PDE3A: variants seen among roughly 807,000 people sequenced by gnomAD.
PDE3A encodes the protein cGMP-inhibited 3',5'-cyclic phosphodiesterase 3A.
PDE3A carries 43 observed loss-of-function variants against 98.3 expected under a neutral mutation model. That is an observed-to-expected ratio of 0.44 (90% CI 0.34 to 0.56). PDE3A has a LOEUF of 0.56. Ranked by LOEUF, PDE3A falls within the 20% of genes least tolerant of loss-of-function variation. The probability of loss-of-function intolerance (pLI) is 0.01; values close to 1 mark genes in which losing one functional copy is unlikely to be tolerated. For synonymous variants in PDE3A, 663 were observed against 567.9 expected, an observed-to-expected ratio of 1.17 and a Z score of -2.38; for missense variants, 1,427 against 1,440.7, an observed-to-expected ratio of 0.99 and a Z score of 0.15.
intron 5 of PDE3A, among the ~76,000 whole-genome samples, chr12:20,624,208 T>G (rs1433394334): frequency 6.6e-6 from 1 of 152,154 alleles, no homozygotes; most frequent in African/African-American, 2.4e-5. Context: ...TTGTCATAAT[T>G]TAAAACTAGG....
intron 1 of PDE3A, among the ~76,000 whole-genome samples, chr12:20,435,197 G>A (rs548754543): frequency 1.3e-5 from 2 of 152,114 alleles, no homozygotes; most frequent in Non-Finnish European, 2.9e-5. Flanking sequence ...TGCATTCCTT[G>A]TTACTGTAGA....
Position 20,369,728 on chromosome 12 carries a change from G to A in PDE3A, c.444G>A (p.Leu148=). Residue 148 remains leucine, a synonymous_variant, in exon 1 of 16, where the codon TTG becomes TTA. Transcript: ENST00000359062. The stretch of plus-strand genomic sequence containing the variant: ...TGTGTGCCTTCTTCTGGATGGGCTT[G>A]TACCTCCTGCGCGCCGGGGTGCGCC... ...SLLCAFFWMG[L]YLLRAGVRLP... is the part of the protein sequence containing the mutation. 1 of 1,612,298 alleles carries A rather than the reference G, an allele frequency of 6.2e-7. No individual in the cohort carries two copies. The highest frequency in any genetic ancestry group is 8.5e-7 in the Non-Finnish European group (1 of 1,179,750).
chr12:20,452,220 GTC>G (rs1945077846), intron 1 of PDE3A, among the ~76,000 whole-genome samples: 1 of 152,210 alleles, frequency 6.6e-6, no homozygotes, highest in Non-Finnish European at 1.5e-5. Flanking sequence ...TGCAAGATTA[GTC>G]TCTGTCTTGT....
In PDE3A at chr12:20,684,266, A is replaced by G. The variant is rs1205763121; in HGVS notation, c.*3995A>G. 2 of 152,126 alleles carry G rather than the reference A, an allele frequency of 1.3e-5. No individual in the cohort carries two copies. The highest frequency in any genetic ancestry group is 4.8e-5 in the African/African-American group (2 of 41,444). The allele number at this position is 152,126 out of a possible 1,614,324, so 9.4% of individuals were successfully genotyped here. A position where few individuals can be genotyped will look rare whatever the true frequency, so the allele number is the denominator to read the frequency against. ...CATTTATAGTACTTCTAAAATAATAATGGAAACCTCAATAAGGGTCTTGTC... is the reference window on the plus strand; with the variant it reads ...CATTTATAGTACTTCTAAAATAATAGTGGAAACCTCAATAAGGGTCTTGTC... On this transcript the variant is annotated 3_prime_UTR_variant, in exon 16 of 16. Transcript: ENST00000359062.
chr12:20,533,761 C>T (rs1297395682), intron 1 of PDE3A, among the ~76,000 whole-genome samples: 1 of 151,064 alleles, frequency 6.6e-6, no homozygotes, highest in East Asian at 1.9e-4. Context: ...GCTGGGATTA[C>T]AGGCATGAGC....
intron 13 of PDE3A, among the ~76,000 whole-genome samples, chr12:20,649,177 C>T (rs890337897): frequency 1.1e-4 from 17 of 151,876 alleles, no homozygotes; most frequent in African/African-American, 3.1e-4. Context: ...ATGATCCACC[C>T]GCCTCGGCCT....
chr12:20,672,983 G>T (rs914187590), intron 15 of PDE3A, among the ~76,000 whole-genome samples: 7 of 151,012 alleles, frequency 4.6e-5, no homozygotes, highest in African/African-American at 1.5e-4. Flanking sequence ...AATCTACAAT[G>T]AACTCATACA....
intron 15 of PDE3A, among the ~76,000 whole-genome samples, chr12:20,671,602 A>G (rs1374761782): frequency 1.3e-5 from 2 of 151,634 alleles, no homozygotes; most frequent in South Asian, 4.2e-4. Flanking sequence ...CAAAAACCAA[A>G]TGATTATCTC....
At chr12:20,480,784 C>T (rs893299107) in intron 1 of PDE3A, among the ~76,000 whole-genome samples, 1 of 152,176 alleles carries the variant, frequency 6.6e-6, no homozygotes, top group Non-Finnish European at 1.5e-5. Flanking sequence ...TTTCCACTAT[C>T]TTTTCACAAA....
At chr12:20,485,719 C>A (rs1021285111) in intron 1 of PDE3A, among the ~76,000 whole-genome samples, 1 of 152,168 alleles carries the variant, frequency 6.6e-6, no homozygotes, top group African/African-American at 2.4e-5. Context: ...AACCTTCTGA[C>A]ATTTACTTAC....
At chr12:20,408,376 A>G (rs551620717) in intron 1 of PDE3A, among the ~76,000 whole-genome samples, 3 of 152,298 alleles carry the variant, frequency 2.0e-5, no homozygotes, top group Middle Eastern at 3.4e-3. Flanking sequence ...ACCTTAAATA[A>G]AAGCTTGTAG....
chr12:20,577,680 T>C (rs1423319647), intron 2 of PDE3A, among the ~76,000 whole-genome samples: 2 of 152,172 alleles, frequency 1.3e-5, no homozygotes, highest in Admixed American at 6.5e-5. Context: ...CCAGTTTTGC[T>C]AATTTTAAAA....
chr12:20,603,837 A>T (rs1943651044), intron 2 of PDE3A, among the ~76,000 whole-genome samples: 1 of 152,200 alleles, frequency 6.6e-6, no homozygotes, highest in Non-Finnish European at 1.5e-5. Flanking sequence ...TACAGTCGAT[A>T]TTACTATTAA....
chr12:20,425,271 C>T (rs192076023), intron 1 of PDE3A, among the ~76,000 whole-genome samples: 6 of 152,016 alleles, frequency 3.9e-5, no homozygotes, highest in East Asian at 3.9e-4. Context: ...TTTTTTCCAC[C>T]GGCAGATGGG....
intron 1 of PDE3A, among the ~76,000 whole-genome samples, chr12:20,492,632 A>G (rs1945848896): frequency 6.6e-6 from 1 of 152,162 alleles, no homozygotes; most frequent in South Asian, 2.1e-4. Flanking sequence ...GAAAGGGGCT[A>G]CTGAACAGGA....
At chr12:20,595,942 TG>T (rs1487001888) in intron 2 of PDE3A, among the ~76,000 whole-genome samples, 2 of 152,224 alleles carry the variant, frequency 1.3e-5, no homozygotes, top group Non-Finnish European at 2.9e-5. Flanking sequence ...TTAATATCAA[TG>T]TTTTTCCTAC....
intron 10 of PDE3A, among the ~76,000 whole-genome samples, chr12:20,645,718 G>A (rs1944761292): frequency 6.6e-6 from 1 of 152,018 alleles, no homozygotes; most frequent in Non-Finnish European, 1.5e-5. Context: ...CTGCACATGT[G>A]GAGTATGACC....
chr12:20,485,635 G>T (rs1945714297), intron 1 of PDE3A, among the ~76,000 whole-genome samples: 1 of 152,182 alleles, frequency 6.6e-6, no homozygotes, highest in South Asian at 2.1e-4. Flanking sequence ...TGAACTCTCT[G>T]CTGATATTGA....
intron 2 of PDE3A, among the ~76,000 whole-genome samples, chr12:20,604,871 C>T (rs1174457081): frequency 1.3e-5 from 2 of 152,148 alleles, no homozygotes; most frequent in African/African-American, 4.8e-5. Flanking sequence ...ACACCATACC[C>T]ATATTTCATA....
Sources: gnomAD v4.1 joint callset for allele counts (sites outside exome capture counted in the v4.1 genomes callset) on GRCh38, gnomAD v4.1.1 for gene constraint, MANE v1.5 for transcripts, NCBI Gene and HGNC (gene_info 2026-07-23, HGNC 2026-07-21) for gene names.